The following ARHGAP15 variants were observed in gnomAD, a reference collection of about 807,000 sequenced individuals.
The protein encoded by ARHGAP15 is rho GTPase-activating protein 15.
In ARHGAP15, 51 loss-of-function variants were observed where a neutral mutation model predicts 63.7. That is an observed-to-expected ratio of 0.80 (90% CI 0.64 to 1.01). The LOEUF (loss-of-function observed/expected upper bound fraction) is 1.01. Ranked by LOEUF, ARHGAP15 falls within the 50% of genes least tolerant of loss-of-function variation. ARHGAP15 has a pLI of 0.00. For synonymous variants in ARHGAP15, 191 were observed against 193.8 expected (o/e 0.99, Z 0.12); for missense variants, 560 against 564.6 (o/e 0.99, Z 0.08).
At chr2:143,182,683 G>A (rs2105072359) in intron 2 of ARHGAP15, among the ~76,000 whole-genome samples, 1 of 152,286 alleles carries the variant, frequency 6.6e-6, no homozygotes, top group East Asian at 1.9e-4. Flanking sequence ...TAAGGCAAAT[G>A]TTTGAGGGTG....
At chr2:143,510,759 T>G (rs1313423069) in intron 9 of ARHGAP15, among the ~76,000 whole-genome samples, 1 of 152,262 alleles carries the variant, frequency 6.6e-6, no homozygotes, top group African/African-American at 2.4e-5. Flanking sequence ...CTAAGCCATT[T>G]GGGCTGCCAT....
intron 6 of ARHGAP15, among the ~76,000 whole-genome samples, chr2:143,280,155 A>G (rs1681769731): frequency 6.6e-6 from 1 of 152,334 alleles, no homozygotes; most frequent in South Asian, 2.1e-4. Flanking sequence ...TCAGGTTTTC[A>G]TATTTATAGG....
chr2:143,345,593 A>G lies in ARHGAP15; in HGVS notation c.475-90008A>G, dbSNP rs547982386. On this transcript the variant is annotated intron_variant, in intron 6 of 13. Transcript: ENST00000295095. ...TTTTTAACGCTTTTGGCACTAACATAATGGTGTAAGCACATGGACTCACAC... is the reference window on the plus strand; with the variant it reads ...TTTTTAACGCTTTTGGCACTAACATGATGGTGTAAGCACATGGACTCACAC... Among the ~76,000 whole-genome samples, 6 of 152,246 alleles carry G rather than the reference A, an allele frequency of 3.9e-5. No homozygotes were observed. The South Asian group carries it at 1.0e-3, about 26-fold the overall frequency.
chr2:143,299,990 C>T (rs1372327018), intron 6 of ARHGAP15, among the ~76,000 whole-genome samples: 2 of 151,982 alleles, frequency 1.3e-5, no homozygotes, highest in South Asian at 2.1e-4. Context: ...ATCTATAATA[C>T]ACTTGTAAAT....
chr2:143,664,466 T>G (rs868596973), intron 12 of ARHGAP15, among the ~76,000 whole-genome samples: 285 of 151,242 alleles, frequency 1.9e-3, no homozygotes, highest in African/African-American at 6.1e-3. Flanking sequence ...GAGAAAGCAG[T>G]AAAGATCCAA....
intron 13 of ARHGAP15, among the ~76,000 whole-genome samples, chr2:143,719,313 G>T (rs1002552346): frequency 7.9e-5 from 12 of 152,144 alleles, no homozygotes; most frequent in Non-Finnish European, 1.5e-4. Flanking sequence ...ATGAACTTTT[G>T]TCTAATTAAT....
In ARHGAP15 at chr2:143,260,290, C is replaced by A. The variant is rs530239246; in HGVS notation, c.474+9690C>A. 3.7e-4 allele frequency among the ~76,000 whole-genome samples: 57 copies of A among 152,216 alleles called. 2 individuals are homozygous for A. Among genetic ancestry groups the A allele is most frequent in the Admixed American group, 3.1e-3 (47 of 15,284 alleles). On this transcript the variant is annotated intron_variant, in intron 6 of 13. Coordinates refer to ENST00000295095, the MANE Select transcript of ARHGAP15 (RefSeq NM_018460.4). ...TGTATTAACTCATTCTTAACAAGAA[C>A]CAATTAGAATTAGGATATCTCTGTA...
intron 9 of ARHGAP15, among the ~76,000 whole-genome samples, chr2:143,492,333 G>A (rs901122437): frequency 1.1e-4 from 16 of 152,166 alleles, no homozygotes; most frequent in African/African-American, 3.9e-4. Context: ...CCATTGGTAA[G>A]ATGAAGAATT....
chr2:143,390,134 A>G (rs577935733), intron 6 of ARHGAP15, among the ~76,000 whole-genome samples: 1 of 152,254 alleles, frequency 6.6e-6, no homozygotes, highest in South Asian at 2.1e-4. Context: ...ATATGAGACT[A>G]TATCTGACAC....
chr2:143,373,649 A>AAAAAAAAAAAAC (rs1686672352), intron 6 of ARHGAP15, among the ~76,000 whole-genome samples: 2 of 127,800 alleles, frequency 1.6e-5, no homozygotes, highest in Non-Finnish European at 3.4e-5. Flanking sequence ...AAAAAAAAAA[A>AAAAAAAAAAAAC]AAAAAAAAAA....
At chr2:143,154,470 C>G (rs1412368671) in intron 1 of ARHGAP15, among the ~76,000 whole-genome samples, 2 of 151,930 alleles carry the variant, frequency 1.3e-5, no homozygotes, top group Admixed American at 1.3e-4. Flanking sequence ...TATTCGCTCC[C>G]ATAACTGACT....
rs1278998457 is a variant in ARHGAP15, at chr2:143,592,883, GA to G, written c.1004-31248del. 2.6e-5 allele frequency among the ~76,000 whole-genome samples: 4 copies of G among 152,254 alleles called. No homozygotes were observed. The East Asian group carries it at 7.7e-4, about 29-fold the overall frequency. Reference sequence around the variant, plus strand: ...TTGTGGGGAAAGAACCATTCGAAGGGAATTGCCTTTGGTTACAAAGGTGATT... The same window carrying G: ...TTGTGGGGAAAGAACCATTCGAAGGGATTGCCTTTGGTTACAAAGGTGATT... On this transcript the variant is annotated intron_variant, in intron 11 of 13. Transcript: ENST00000295095.
intron 6 of ARHGAP15, among the ~76,000 whole-genome samples, chr2:143,284,326 C>T (rs1176283660): frequency 1.3e-5 from 2 of 152,110 alleles, no homozygotes; most frequent in South Asian, 2.1e-4. Context: ...TTGCCAGATG[C>T]AATTTTGCAA....
chr2:143,177,312 A>T (rs936134487), intron 2 of ARHGAP15, among the ~76,000 whole-genome samples: 3 of 152,132 alleles, frequency 2.0e-5, no homozygotes, highest in African/African-American at 7.2e-5. Context: ...ATTAAAAGGA[A>T]TTCTTCTCCA....
At chr2:143,534,749 G>A (rs1694676446) in intron 10 of ARHGAP15, among the ~76,000 whole-genome samples, 2 of 152,084 alleles carry the variant, frequency 1.3e-5, no homozygotes, top group South Asian at 2.1e-4. Flanking sequence ...AGGCGTGGTG[G>A]TGTGTGCCTG....
chr2:143,293,960 T>C (rs1423619209), intron 6 of ARHGAP15, among the ~76,000 whole-genome samples: 1 of 152,086 alleles, frequency 6.6e-6, no homozygotes, highest in African/African-American at 2.4e-5. Flanking sequence ...TCTAAGTCCA[T>C]TTGACAAAAA....
chr2:143,668,288 T>G (rs1037702929), intron 12 of ARHGAP15, among the ~76,000 whole-genome samples: 4 of 152,098 alleles, frequency 2.6e-5, no homozygotes, highest in Admixed American at 1.3e-4. Context: ...TTCTTTTTTT[T>G]TTTTTCTTTT....
At chr2:143,362,442 C>T (rs752551095) in intron 6 of ARHGAP15, among the ~76,000 whole-genome samples, 1 of 152,208 alleles carries the variant, frequency 6.6e-6, no homozygotes, top group Non-Finnish European at 1.5e-5. Context: ...GCGTCCTCCT[C>T]TTCACCTCTT....
chr2:143,595,971 G>A (rs1038385464), intron 11 of ARHGAP15, among the ~76,000 whole-genome samples: 5 of 152,062 alleles, frequency 3.3e-5, no homozygotes, highest in Admixed American at 3.3e-4. Flanking sequence ...TATTTTTTAT[G>A]TAAAGAAACA....
Sources: allele counts gnomAD v4.1 joint callset (sites outside exome capture counted in the v4.1 genomes callset), GRCh38; gene constraint gnomAD v4.1.1; transcripts MANE v1.5; gene names NCBI Gene and HGNC (gene_info 2026-07-23, HGNC 2026-07-21).